TRPS1: variants seen among roughly 807,000 people sequenced by gnomAD.
TRPS1 encodes zinc finger transcription factor Trps1.
Under a neutral mutation model 101.2 loss-of-function variants are expected in TRPS1, and 6 were observed. The observed-to-expected ratio is 0.06, with a 90% confidence interval of 0.03 to 0.12. The LOEUF (loss-of-function observed/expected upper bound fraction) is 0.12. TRPS1 is among the 10% of genes least tolerant of loss of function. TRPS1 has a pLI of 1.00. For missense variants in TRPS1, 1,363 were observed against 1,567.0 expected, an observed-to-expected ratio of 0.87 and a Z score of 2.20; for synonymous variants, 578 against 589.8, an observed-to-expected ratio of 0.98 and a Z score of 0.29.
At chr8:115,554,336 G>T (rs1009706709) in intron 5 of TRPS1, among the ~76,000 whole-genome samples, 1 of 152,052 alleles carries the variant, frequency 6.6e-6, no homozygotes, top group African/African-American at 2.4e-5. Flanking sequence ...AAAATGACAG[G>T]ACAGTCAGAC....
chr8:115,605,118 C>T, intron 3 of TRPS1, 116 bp from the exon 4 acceptor site: 1 of 902,516 alleles, frequency 1.1e-6, no homozygotes, highest in Non-Finnish European at 1.7e-6. Context: ...CAATAGTACT[C>T]CTGCTTATTA....
intron 3 of TRPS1, among the ~76,000 whole-genome samples, chr8:115,611,020 G>A (rs1209927335): frequency 1.3e-5 from 2 of 152,054 alleles, no homozygotes; most frequent in East Asian, 3.9e-4. Flanking sequence ...GGGAGGCTGA[G>A]GTGGGAGAAT....
chr8:115,481,404 C>A (rs752650428), intron 5 of TRPS1, among the ~76,000 whole-genome samples: 1 of 151,904 alleles, frequency 6.6e-6, no homozygotes, highest in African/African-American at 2.4e-5. Context: ...TCAACCCCCC[C>A]CCACTCTTCT....
intron 5 of TRPS1, among the ~76,000 whole-genome samples, chr8:115,553,648 T>C (rs1816752550): frequency 6.6e-6 from 1 of 152,192 alleles, no homozygotes; most frequent in South Asian, 2.1e-4. Flanking sequence ...TAGGAGAATG[T>C]AAATGTCACC....
rs73706604 is a variant in TRPS1, at chr8:115,460,696, T to C, written c.2701-42244A>G. Among the ~76,000 whole-genome samples, 663 of 152,220 alleles carry C rather than the reference T, an allele frequency of 4.4e-3. 8 individuals carry two copies. Among genetic ancestry groups the C allele is most frequent in the African/African-American group, 0.015 (635 of 41,556 alleles). Reference sequence around the variant, plus strand: ...AAGCCTTATAACCAAGACCATGCGATTCAATTAAGACTCAGAACTGCTTTT... The same window carrying C: ...AAGCCTTATAACCAAGACCATGCGACTCAATTAAGACTCAGAACTGCTTTT... On this transcript the variant is annotated intron_variant, in intron 5 of 6. Transcript: ENST00000395715.
chr8:115,442,410 T>C (rs562562869), intron 5 of TRPS1, among the ~76,000 whole-genome samples: 2 of 152,190 alleles, frequency 1.3e-5, no homozygotes, highest in South Asian at 2.1e-4. Flanking sequence ...GTGAGGTTGA[T>C]ACTACTTTGG....
At chr8:115,584,477 T>C (rs970867070) in intron 5 of TRPS1, among the ~76,000 whole-genome samples, 1 of 151,976 alleles carries the variant, frequency 6.6e-6, no homozygotes, top group Non-Finnish European at 1.5e-5. Context: ...CTACTGTAAT[T>C]TGGGTTCAAA....
intron 5 of TRPS1, among the ~76,000 whole-genome samples, chr8:115,446,838 C>G (rs1048912131): frequency 2.6e-5 from 4 of 152,130 alleles, no homozygotes; most frequent in Non-Finnish European, 5.9e-5. Context: ...ATTCTGACGT[C>G]TTTTTATGTT....
At chr8:115,522,646 G>A (rs1202490343) in intron 5 of TRPS1, among the ~76,000 whole-genome samples, 1 of 152,014 alleles carries the variant, frequency 6.6e-6, no homozygotes, top group Non-Finnish European at 1.5e-5. Flanking sequence ...TTGGTAAGTT[G>A]ATAGACTTAT....
Position 115,587,526 on chromosome 8 carries a change from G to T in TRPS1, c.2175C>A (p.Asn725Lys). 6.2e-7 allele frequency: 1 copy of T among 1,614,202 alleles called. No homozygotes were observed. Among genetic ancestry groups the T allele is most frequent in the Non-Finnish European group, 8.5e-7 (1 of 1,180,022 alleles). The stretch of plus-strand genomic sequence containing the variant: ...TGTCCTGTTCCTGGCAGTGAACAGT[G>T]TTGAAGTGCTCCAGTAGTGACTGAG... ...ADTQSLLEHFNTVHCQEQDIT... is the reference protein window; with the variant it reads ...ADTQSLLEHFKTVHCQEQDIT... The change falls in exon 5 of 7, where the codon AAC (asparagine) becomes AAA (lysine). Residue 725 changes from asparagine (N) to lysine (K), a missense_variant. Asn to Lys is a moderately conservative substitution (Grantham distance 94). Around this residue, in one of 5 missense-constraint regions of TRPS1, gnomAD observed 1,020 missense variants for 1,073.0 expected, o/e 0.95. Coordinates refer to ENST00000395715, the MANE Select transcript of TRPS1 (RefSeq NM_014112.5).
chr8:115,485,061 C>A (rs1448836237), intron 5 of TRPS1, among the ~76,000 whole-genome samples: 1 of 152,104 alleles, frequency 6.6e-6, no homozygotes, highest in Non-Finnish European at 1.5e-5. Flanking sequence ...AAATTTAGGT[C>A]CCAAATAGTT....
intron 5 of TRPS1, among the ~76,000 whole-genome samples, chr8:115,419,238 A>G (rs757195931): frequency 4.6e-5 from 7 of 152,176 alleles, no homozygotes; most frequent in Non-Finnish European, 1.0e-4. Context: ...AAGAATATTT[A>G]AAACTAGATA....
intron 5 of TRPS1, among the ~76,000 whole-genome samples, chr8:115,579,601 A>C (rs1419325794): frequency 2.1e-5 from 3 of 143,960 alleles, no homozygotes; most frequent in Non-Finnish European, 3.0e-5. Flanking sequence ...TAAAAGTTTG[A>C]TTCATAATCA....
At chr8:115,653,446 G>A (rs1811608414) in intron 1 of TRPS1, among the ~76,000 whole-genome samples, 1 of 152,024 alleles carries the variant, frequency 6.6e-6, no homozygotes, top group Non-Finnish European at 1.5e-5. Context: ...TTTTACGTGG[G>A]ATGATCAGCA....
Position 115,444,296 on chromosome 8 carries a change from T to A in TRPS1, c.2701-25844A>T, listed in dbSNP as rs985021121. ...CTGGTGTCCAACATGGTACATACAA[T>A]AGAACAGGTGCTCTGATAAGGAATG... On this transcript the variant is annotated intron_variant, in intron 5 of 6. Transcript: ENST00000395715. Among the ~76,000 whole-genome samples the A allele has an allele frequency of 2.0e-5, 3 of 151,972 alleles. No homozygotes were observed. In the South Asian group the frequency reaches 6.3e-4, roughly 32 times the overall value.
chr8:115,464,631 CAT>C (rs1442559426), intron 5 of TRPS1, among the ~76,000 whole-genome samples: 4 of 152,068 alleles, frequency 2.6e-5, no homozygotes, highest in Non-Finnish European at 5.9e-5. Context: ...AATGTTGAAA[CAT>C]GTTTTCCTTT....
intron 5 of TRPS1, among the ~76,000 whole-genome samples, chr8:115,490,515 G>T (rs77047916): frequency 0.013 from 1,995 of 151,972 alleles, 42 homozygotes; most frequent in African/African-American, 0.046. Context: ...CTAATAATTT[G>T]GAATTCTATA....
At chr8:115,544,626 CTT>C (rs766166472) in intron 5 of TRPS1, among the ~76,000 whole-genome samples, 34 of 152,170 alleles carry the variant, frequency 2.2e-4, no homozygotes, top group Non-Finnish European at 4.3e-4. Context: ...TTTATAATAA[CTT>C]AATGTTATTT....
chr8:115,645,401 AG>A (rs1280086577), intron 1 of TRPS1, among the ~76,000 whole-genome samples: 1 of 152,200 alleles, frequency 6.6e-6, no homozygotes, highest in African/African-American at 2.4e-5. Context: ...TTATTAACGA[AG>A]TGCTTATGAT....
Sources: allele counts gnomAD v4.1 joint callset (sites outside exome capture counted in the v4.1 genomes callset), GRCh38; gene constraint gnomAD v4.1.1; regional missense constraint gnomAD v4.1.1; transcripts MANE v1.5; gene names NCBI Gene and HGNC (gene_info 2026-07-23, HGNC 2026-07-21).